MYOM2: variants seen among roughly 807,000 people sequenced by gnomAD.
MYOM2 encodes the protein myomesin 2.
MYOM2 carries 254 observed loss-of-function variants against 187.6 expected under a neutral mutation model. The ratio of observed to expected loss-of-function variants is 1.35; its 90% confidence interval spans 1.22 to 1.50. The LOEUF (loss-of-function observed/expected upper bound fraction) is 1.50, where lower values mean the gene tolerates loss of function less well. MYOM2 is among the 40% of genes most tolerant of loss of function. The pLI, the probability that MYOM2 is intolerant of heterozygous loss-of-function variation, is 0.00. For missense variants in MYOM2, 2,796 were observed against 1,924.0 expected, an observed-to-expected ratio of 1.45 and a Z score of -8.48; for synonymous variants, 981 against 753.8, an observed-to-expected ratio of 1.30 and a Z score of -4.94.
intron 18 of MYOM2, among the ~76,000 whole-genome samples, chr8:2,097,649 G>C (rs1296615202): frequency 2.6e-5 from 4 of 152,102 alleles, no homozygotes; most frequent in East Asian, 1.9e-4. Context: ...TGAGTAGCTG[G>C]GATTACAGGC....
intron 21 of MYOM2, among the ~76,000 whole-genome samples, chr8:2,103,122 G>C (rs1381538861): frequency 1.9e-4 from 5 of 25,758 alleles, no homozygotes; most frequent in Non-Finnish European, 7.3e-5. Context: ...GTTCATGTAT[G>C]GGTGGGTGGG....
chr8:2,075,853 C>A (rs1360542284), intron 10 of MYOM2, among the ~76,000 whole-genome samples: 3 of 152,206 alleles, frequency 2.0e-5, no homozygotes, highest in Non-Finnish European at 4.4e-5. Flanking sequence ...TGCACCATAG[C>A]AGGACCAAGA....
At chr8:2,111,078 G>C (rs1314783738) in intron 25 of MYOM2, among the ~76,000 whole-genome samples, 1 of 152,186 alleles carries the variant, frequency 6.6e-6, no homozygotes, top group Non-Finnish European at 1.5e-5. Context: ...GAAATGAAAG[G>C]GAATTTAGGG....
chr8:2,055,188 G>A (rs1818623360), intron 3 of MYOM2, among the ~76,000 whole-genome samples: 1 of 152,008 alleles, frequency 6.6e-6, no homozygotes, highest in Non-Finnish European at 1.5e-5. Context: ...GCAATGAAGA[G>A]GGCATTTTCC....
chr8:2,053,520 C>T (rs1335433563), intron 3 of MYOM2, among the ~76,000 whole-genome samples: 1 of 152,226 alleles, frequency 6.6e-6, no homozygotes, highest in African/African-American at 2.4e-5. Context: ...TCCTATCGCT[C>T]AATTTCCCTG....
chr8:2,100,455 G>A (rs1300130698), intron 19 of MYOM2: 4 of 177,128 alleles, frequency 2.3e-5, no homozygotes, highest in East Asian at 1.5e-4. Context: ...GAGTTGCCGC[G>A]GGTGTTCGTA....
intron 31 of MYOM2, among the ~76,000 whole-genome samples, chr8:2,126,910 A>G (rs995151617): frequency 1.8e-5 from 2 of 109,434 alleles, no homozygotes; most frequent in South Asian, 3.3e-4. Flanking sequence ...AGGCTGGGGG[A>G]GCACTGGGGG....
chr8:2,047,070 T>C (rs7831614), intron 1 of MYOM2, among the ~76,000 whole-genome samples: 8,318 of 152,264 alleles, frequency 0.055, 347 homozygotes, highest in African/African-American at 0.12. Context: ...TAAATGCAAG[T>C]ATTCCACAGT....
chr8:2,055,920 C>T (rs1473232945), intron 3 of MYOM2, among the ~76,000 whole-genome samples: 3 of 152,188 alleles, frequency 2.0e-5, no homozygotes, highest in Non-Finnish European at 4.4e-5. Flanking sequence ...GGCTCGTGCA[C>T]AGTGCCACAG....
chr8:2,079,500 A>G (rs1414149901), intron 12 of MYOM2, 60 bp from the exon 13 acceptor site: 4 of 1,557,906 alleles, frequency 2.6e-6, no homozygotes, highest in Non-Finnish European at 3.5e-6. Flanking sequence ...GAATGAGGGA[A>G]AACGGGCTTT....
intron 25 of MYOM2, among the ~76,000 whole-genome samples, chr8:2,109,749 C>G (rs1244466098): frequency 6.6e-6 from 1 of 152,190 alleles, no homozygotes; most frequent in East Asian, 1.9e-4. Flanking sequence ...TCTTTAAAAT[C>G]TGAGCCTGTT....
intron 13 of MYOM2, among the ~76,000 whole-genome samples, chr8:2,083,189 T>C (rs1007527558): frequency 1.3e-5 from 2 of 152,248 alleles, no homozygotes; most frequent in African/African-American, 4.8e-5. Context: ...TGTGTTTATA[T>C]ATCTCTCACT....
intron 32 of MYOM2, among the ~76,000 whole-genome samples, chr8:2,136,731 C>T (rs73657774): frequency 0.13 from 19,855 of 152,078 alleles, 2,208 homozygotes; most frequent in African/African-American, 0.28. Context: ...TGAATGATCG[C>T]GTGAAGGTGT....
chr8:2,133,417 C>T (rs1459476689), intron 32 of MYOM2, among the ~76,000 whole-genome samples: 6 of 152,210 alleles, frequency 3.9e-5, no homozygotes, highest in African/African-American at 1.2e-4. Context: ...GTGGACTTGA[C>T]GGAACCACTG....
At chr8:2,138,162 C>G (rs1198675142) in intron 32 of MYOM2, among the ~76,000 whole-genome samples, 4 of 152,218 alleles carry the variant, frequency 2.6e-5, no homozygotes, top group Non-Finnish European at 5.9e-5. Context: ...CTCACCTGCC[C>G]TCAGACACAC....
intron 3 of MYOM2, among the ~76,000 whole-genome samples, chr8:2,054,749 G>T (rs113031451): frequency 3.3e-5 from 5 of 152,328 alleles, no homozygotes; most frequent in South Asian, 2.1e-4. Context: ...CGCAGACCAA[G>T]CTTTGTCTTC....
intron 3 of MYOM2, among the ~76,000 whole-genome samples, chr8:2,056,837 A>G (rs4876235): frequency 0.87 from 132,037 of 152,202 alleles, 57,457 homozygotes; most frequent in East Asian, 1. Flanking sequence ...CAAGCCGTTT[A>G]TCGGATAAAT....
In MYOM2 at chr8:2,098,945, A is replaced by G. The variant is rs747840017; in HGVS notation, c.2402A>G (p.Glu801Gly). 1 of 1,613,636 alleles carries G rather than the reference A, an allele frequency of 6.2e-7. No individual in the cohort carries two copies. Among genetic ancestry groups the G allele is most frequent in the Non-Finnish European group, 8.5e-7 (1 of 1,179,856 alleles). The change falls in exon 19 of 37, where the codon GAG becomes GGG. Residue 801 changes from glutamate (E) to glycine (G), a missense_variant. Transcript: ENST00000262113. Reference protein sequence around the residue: ...AGIGEPSDPSEHFKCEAWTMP... With the variant: ...AGIGEPSDPSGHFKCEAWTMP... Reference sequence around the variant, plus strand: ...ATCGGGGAGCCCTCAGATCCCAGTGAGCACTTCAAGTGTGAGGCCTGGACC... The same window carrying G: ...ATCGGGGAGCCCTCAGATCCCAGTGGGCACTTCAAGTGTGAGGCCTGGACC...
At position 2,050,888 on chromosome 8, in the gene MYOM2, G is replaced by A. The variant is rs148956088; in HGVS notation, c.107+15G>A. ...GCGTCAAAAAAGTAAGCTGACATTC[G>A]CTGATGAGACGCGCAGAGCTTTGAT... On this transcript the variant is annotated intron_variant, in intron 2 of 36. Transcript: ENST00000262113. The A allele has an allele frequency of 3.2e-6, 5 of 1,584,182 alleles. No homozygotes were observed. Among genetic ancestry groups the A allele is most frequent in the East Asian group, 4.5e-5 (2 of 44,502 alleles).
Sources: allele counts gnomAD v4.1 joint callset (sites outside exome capture counted in the v4.1 genomes callset), GRCh38; gene constraint gnomAD v4.1.1; transcripts MANE v1.5; gene names NCBI Gene and HGNC (gene_info 2026-07-23, HGNC 2026-07-21).